MRTFB: variants seen among roughly 807,000 people sequenced by gnomAD.
The protein encoded by MRTFB is myocardin related transcription factor B.
Under a neutral mutation model 104.2 loss-of-function variants are expected in MRTFB, and 29 were observed. The ratio of observed to expected loss-of-function variants is 0.28; its 90% CI spans 0.21 to 0.38. The LOEUF (loss-of-function observed/expected upper bound fraction) is 0.38, where lower values mean the gene tolerates loss of function less well. MRTFB is among the 10% of genes least tolerant of loss of function. MRTFB has a pLI of 1.00. For missense variants in MRTFB, 1,270 were observed against 1,341.6 expected, an observed-to-expected ratio of 0.95 and a Z score of 0.83; for synonymous variants, 535 against 519.5, an observed-to-expected ratio of 1.03 and a Z score of -0.41.
At chr16:14,220,210 C>G (rs1352268999) in intron 8 of MRTFB, among the ~76,000 whole-genome samples, 2 of 152,176 alleles carry the variant, frequency 1.3e-5, no homozygotes, top group African/African-American at 2.4e-5. Context: ...CTACTGTGTT[C>G]TCACATATTT....
chr16:14,260,805 T>C, intron 16 of MRTFB, 104 bp from the exon 17 acceptor site: 1 of 951,628 alleles, frequency 1.1e-6, no homozygotes, highest in Non-Finnish European at 1.6e-6. Context: ...CGGACGTGCA[T>C]AGAAGGAATC....
At chr16:14,071,545 C>T (rs1007381885) in intron 1 of MRTFB, among the ~76,000 whole-genome samples, 180 bp downstream of exon 1, 1 of 145,042 alleles carries the variant, frequency 6.9e-6, no homozygotes, top group Non-Finnish European at 1.5e-5. Flanking sequence ...TCGCGCGGGG[C>T]GGGGCGGCCG....
At chr16:14,218,706 T>G (rs1597280855) in intron 7 of MRTFB, 114 bp from the exon 8 acceptor site, 1 of 1,066,616 alleles carries the variant, frequency 9.4e-7, no homozygotes, top group Non-Finnish European at 1.3e-6. Context: ...GTGTTCAATT[T>G]TTTTTTTAAG....
chr16:13,997,640 A>G, the MRTFB span, among the ~76,000 whole-genome samples: 2 of 151,992 alleles, frequency 1.3e-5, no homozygotes, highest in South Asian at 4.2e-4. Flanking sequence ...CCAAAAAAAA[A>G]AAAATAGCTG....
chr16:14,256,194 C>CAACAA (rs1324921842), intron 15 of MRTFB, among the ~76,000 whole-genome samples: 1 of 77,644 alleles, frequency 1.3e-5, no homozygotes, highest in African/African-American at 4.8e-5. Flanking sequence ...AACAGGATAA[C>CAACAA]AAAAAAAAAA....
intron 2 of MRTFB, among the ~76,000 whole-genome samples, chr16:14,095,498 A>G (rs2867050): frequency 0.015 from 2,215 of 152,314 alleles, 55 homozygotes; most frequent in African/African-American, 0.047. Flanking sequence ...TAAATTGCCT[A>G]TAGATGTTAA....
At chr16:14,221,936 C>G (rs908847666) in intron 8 of MRTFB, among the ~76,000 whole-genome samples, 4 of 152,076 alleles carry the variant, frequency 2.6e-5, no homozygotes, top group African/African-American at 7.2e-5. Flanking sequence ...CACCCGCCAT[C>G]ATGCCCAGCT....
the MRTFB span, among the ~76,000 whole-genome samples, chr16:14,031,895 T>G: frequency 2.0e-5 from 3 of 151,984 alleles, no homozygotes; most frequent in Admixed American, 2.0e-4. Context: ...GCAACCTCCG[T>G]CTCCCGGGTT....
intron 2 of MRTFB, among the ~76,000 whole-genome samples, chr16:14,116,939 G>A (rs530797778): frequency 2.6e-5 from 4 of 152,118 alleles, no homozygotes; most frequent in Non-Finnish European, 5.9e-5. Context: ...TATACATATT[G>A]AATTAAATTA....
At chr16:14,211,172 CTTTT>C (rs1366743729) in intron 4 of MRTFB, among the ~76,000 whole-genome samples, 1 of 151,826 alleles carries the variant, frequency 6.6e-6, no homozygotes, top group African/African-American at 2.4e-5. Flanking sequence ...CCAGTAAAAC[CTTTT>C]TTTTCTGGAC....
At chr16:14,179,922 G>A (rs1257794763) in intron 3 of MRTFB, among the ~76,000 whole-genome samples, 2 of 152,208 alleles carry the variant, frequency 1.3e-5, no homozygotes, top group Admixed American at 6.5e-5. Context: ...AGACGCTCAA[G>A]TGCATGATTA....
chr16:14,125,547 AAGCACCTCTGTTTTTCCAGTTGGT>A (rs2037066687), intron 2 of MRTFB, among the ~76,000 whole-genome samples: 1 of 152,206 alleles, frequency 6.6e-6, no homozygotes, highest in African/African-American at 2.4e-5. Flanking sequence ...CTTCTCTAGC[AAGCACCTCTGTTTTTCCAGTTGGT>A]AGTTTTTTAC....
chr16:14,146,107 T>A (rs1414997732), intron 3 of MRTFB, among the ~76,000 whole-genome samples: 2 of 152,246 alleles, frequency 1.3e-5, no homozygotes, highest in Non-Finnish European at 2.9e-5. Flanking sequence ...TTTTCATTTT[T>A]AAAAACTGTT....
the MRTFB span, among the ~76,000 whole-genome samples, chr16:14,007,138 C>T: frequency 6.6e-6 from 1 of 152,120 alleles, no homozygotes; most frequent in Non-Finnish European, 1.5e-5. Context: ...GTTGTACTGC[C>T]ATCACTACAA....
At chr16:14,159,195 ATTC>A (rs1306341796) in intron 3 of MRTFB, among the ~76,000 whole-genome samples, 2 of 152,132 alleles carry the variant, frequency 1.3e-5, no homozygotes, top group African/African-American at 4.8e-5. Flanking sequence ...CTCAAGTTGT[ATTC>A]TTCTTTATAC....
At chr16:14,017,885 T>A in the MRTFB span, among the ~76,000 whole-genome samples, 6 of 150,356 alleles carry the variant, frequency 4.0e-5, no homozygotes, top group Non-Finnish European at 8.9e-5. Flanking sequence ...GTCTGGCTAA[T>A]TTTTTAAAAA....
At chr16:14,047,188 A>C in the MRTFB span, among the ~76,000 whole-genome samples, 3 of 152,292 alleles carry the variant, frequency 2.0e-5, no homozygotes, top group South Asian at 4.1e-4. Context: ...GTATCAGGCA[A>C]CCTCACTATA....
intron 15 of MRTFB, among the ~76,000 whole-genome samples, chr16:14,257,758 T>A (rs1000198162): frequency 1.6e-4 from 25 of 152,202 alleles, no homozygotes; most frequent in African/African-American, 5.1e-4. Context: ...CAAATATGTA[T>A]AGTGTGATCA....
intron 2 of MRTFB, among the ~76,000 whole-genome samples, chr16:14,106,311 G>A (rs2035973463): frequency 6.6e-6 from 1 of 152,180 alleles, no homozygotes; most frequent in African/African-American, 2.4e-5. Flanking sequence ...GTAGCAATTT[G>A]CCAGTAGAGA....
Sources: allele counts gnomAD v4.1 joint callset (sites outside exome capture counted in the v4.1 genomes callset), GRCh38; gene constraint gnomAD v4.1.1; transcripts MANE v1.5; gene names NCBI Gene and HGNC (gene_info 2026-07-23, HGNC 2026-07-21).